Variants in C5orf34 observed in about 807,000 individuals in gnomAD.
C5orf34 encodes the protein chromosome 5 open reading frame 34, also known as uncharacterized protein C5orf34.
C5orf34 carries 73 observed loss-of-function variants against 78.4 expected under a neutral mutation model. The observed-to-expected ratio is 0.93, with a 90% CI of 0.77 to 1.13. The LOEUF is 1.13. Ranked by LOEUF, C5orf34 falls within the 50% of genes most tolerant of loss-of-function variation. C5orf34 has a pLI of 0.00. For missense variants in C5orf34, 730 were observed against 732.7 expected, an observed-to-expected ratio of 1.00 and a Z score of 0.04; for synonymous variants, 251 against 246.6, an observed-to-expected ratio of 1.02 and a Z score of -0.17.
intron 10 of C5orf34, 52 bp downstream of exon 10, chr5:43,492,163 T>C (rs6876588): frequency 1 from 1,181,830 of 1,183,244 alleles, 590,225 homozygotes; most frequent in East Asian, 1. Flanking sequence ...GCTTATTCTC[T>C]GTTAGTTAAA....
rs1745336069 is a variant in C5orf34, at chr5:43,492,760, G to T, written c.1445C>A (p.Thr482Asn). Residue 482 changes from threonine to asparagine, a missense_variant, in exon 9 of 13, where the codon ACC becomes AAC. By Grantham distance (65) the Thr-to-Asn change is moderately conservative. Transcript: ENST00000306862. ...AGGAGAGCTGAAATTCCAATTTAGG[G>T]TTAGAGTAATGCCATCTAAAAAGAT... ...HAIFLDGITL[T>N]LNWNFSSPIE... The T allele has an allele frequency of 3.7e-6, 6 of 1,612,820 alleles. No homozygotes were observed. Among genetic ancestry groups the T allele is most frequent in the Non-Finnish European group, 5.1e-6 (6 of 1,179,352 alleles).
rs1745964139 is a variant in C5orf34, at chr5:43,505,915, C to A, written c.765G>T (p.Leu255Phe). 6.2e-7 allele frequency: 1 copy of A among 1,613,944 alleles called. No individual in the cohort carries two copies. Among genetic ancestry groups the A allele is most frequent in the African/African-American group, 1.3e-5 (1 of 74,922 alleles). The stretch of plus-strand genomic sequence containing the variant: ...TATTATGAAAATGAAGTGCTAAAGA[C>A]AAAGGATATTTCCATTCCTCTGGAC... ...AACPEEWKYPLSLALHFHNKI... is the reference protein window; with the variant it reads ...AACPEEWKYPFSLALHFHNKI... The change falls in exon 4 of 13, where the codon TTG becomes TTT. Residue 255 changes from leucine to phenylalanine, a missense_variant. Physicochemically the swap from Leu to Phe is conservative, Grantham distance 22. Coordinates refer to ENST00000306862, the MANE Select transcript of C5orf34 (RefSeq NM_198566.4).
Position 43,496,120 on chromosome 5 carries a change from G to T in C5orf34, c.1153-1519C>A, listed in dbSNP as rs1375207403. The T allele has an allele frequency of 6.2e-6, 6 of 975,376 alleles. No homozygotes were observed. The South Asian group carries it at 7.0e-5, about 11-fold the overall frequency. 60.4% of individuals were successfully genotyped at this position (975,376 alleles called of 1,614,324 possible). On this transcript the variant is annotated intron_variant, in intron 6 of 12. Coordinates refer to ENST00000306862, the MANE Select transcript of C5orf34 (RefSeq NM_198566.4). ...CGCCAACACCAGCAGCAACCATCAGGACAGCACAGCCTGAGATGTCCCTGT... is the reference window on the plus strand; with the variant it reads ...CGCCAACACCAGCAGCAACCATCAGTACAGCACAGCCTGAGATGTCCCTGT...
At chr5:43,510,783 G>GCTAGCTACAACCTCCA (rs1746203319) in intron 1 of C5orf34, among the ~76,000 whole-genome samples, 1 of 152,216 alleles carries the variant, frequency 6.6e-6, no homozygotes, top group African/African-American at 2.4e-5. Context: ...CGTGATCTCG[G>GCTAGCTACAACCTCCA]CTAGCTACAA....
At chr5:43,512,231 A>T (rs1746291599) in intron 1 of C5orf34, among the ~76,000 whole-genome samples, 1 of 152,224 alleles carries the variant, frequency 6.6e-6, no homozygotes, top group Admixed American at 6.5e-5. Flanking sequence ...AAATGTTTTT[A>T]TTCCTTTCCA....
intron 5 of C5orf34, 57 bp from the exon 6 acceptor site, chr5:43,502,552 T>C: frequency 1.0e-6 from 1 of 1,004,484 alleles, no homozygotes; most frequent in Non-Finnish European, 1.5e-6. Context: ...AAAACATGCA[T>C]GAAGATAGTC....
At chr5:43,501,312 C>G (rs1415465192) in intron 6 of C5orf34, among the ~76,000 whole-genome samples, 1 of 152,162 alleles carries the variant, frequency 6.6e-6, no homozygotes, top group African/African-American at 2.4e-5. Flanking sequence ...ACTGGGCATG[C>G]TTGTATCTCA....
chr5:43,495,218 A>C (rs1217938013), intron 6 of C5orf34: 5 of 1,610,332 alleles, frequency 3.1e-6, no homozygotes, highest in Non-Finnish European at 4.2e-6. Context: ...ATAGTCTGAG[A>C]AGCTCTCAAC....
In C5orf34 at chr5:43,509,335, G is replaced by C; in HGVS notation, c.5C>G (p.Ala2Gly). 1 of 1,583,956 alleles carries C rather than the reference G, an allele frequency of 6.3e-7. No homozygotes were observed. The highest frequency in any genetic ancestry group is 1.8e-5 in the Admixed American group (1 of 55,514). Residue 2 changes from alanine to glycine, a missense_variant, in exon 2 of 13, where the codon GCA (alanine) becomes GGA (glycine). Transcript: ENST00000306862. The stretch of plus-strand genomic sequence containing the variant: ...ATAAAGTATCATTCGCAGTTCAGCT[G>C]CCATTACAACGGCAGGATAAGATAT... M[A>G]AELRMILYED...
intron 6 of C5orf34, among the ~76,000 whole-genome samples, chr5:43,499,179 C>T (rs773473239): frequency 1.4e-4 from 22 of 152,124 alleles, no homozygotes; most frequent in Non-Finnish European, 2.8e-4. Context: ...TCAGGAAAAG[C>T]GTCTGTGAGG....
chr5:43,512,792 T>C (rs1746328348), intron 1 of C5orf34, among the ~76,000 whole-genome samples: 1 of 90,826 alleles, frequency 1.1e-5, no homozygotes, highest in Non-Finnish European at 2.2e-5. Context: ...TTTTTTTTTT[T>C]TTTTTTTTTG....
intron 6 of C5orf34, chr5:43,495,768 C>A: frequency 1.3e-6 from 2 of 1,580,160 alleles, no homozygotes; most frequent in Non-Finnish European, 1.7e-6. Context: ...CAGTCCAGAG[C>A]CTCAAGCAGC....
chr5:43,497,689 A>T (rs1468699412), intron 6 of C5orf34, among the ~76,000 whole-genome samples: 1 of 152,220 alleles, frequency 6.6e-6, no homozygotes, highest in Non-Finnish European at 1.5e-5. Context: ...ATACATATGA[A>T]GTTCCTGGGA....
At chr5:43,504,177 C>A (rs1561214228) in intron 4 of C5orf34, among the ~76,000 whole-genome samples, 2 of 151,888 alleles carry the variant, frequency 1.3e-5, no homozygotes, top group South Asian at 4.2e-4. Context: ...CGTAGTGGCA[C>A]GTGCCTGTAA....
At chr5:43,495,391 G>A in intron 6 of C5orf34, 1 of 1,611,734 alleles carries the variant, frequency 6.2e-7, no homozygotes, top group South Asian at 1.1e-5. Context: ...TAGGGGCATA[G>A]CCAGCGCTTA....
intron 6 of C5orf34, chr5:43,496,572 GTTTTTTTTAAT>G: frequency 1.6e-6 from 1 of 628,826 alleles, no homozygotes; most frequent in Non-Finnish European, 2.3e-6. Flanking sequence ...TCATTCAAAA[GTTTTTTTTAAT>G]TTTTTTTTTT....
At chr5:43,507,712 T>C (rs1480705411) in intron 3 of C5orf34, among the ~76,000 whole-genome samples, 1 of 152,188 alleles carries the variant, frequency 6.6e-6, no homozygotes, top group Non-Finnish European at 1.5e-5. Context: ...GTTCAAATCC[T>C]GACTTTGCCA....
At chr5:43,492,481 G>T (rs1242167314) in intron 9 of C5orf34, among the ~76,000 whole-genome samples, 172 bp from the exon 10 acceptor site, 1 of 152,194 alleles carries the variant, frequency 6.6e-6, no homozygotes, top group Non-Finnish European at 1.5e-5. Context: ...ACTCATATAG[G>T]TAATTATCAA....
At chr5:43,506,501 GT>G in intron 3 of C5orf34, 107 bp from the exon 4 acceptor site, 1 of 1,131,972 alleles carries the variant, frequency 8.8e-7, no homozygotes, top group Non-Finnish European at 1.2e-6. Flanking sequence ...AAATATTTGT[GT>G]TTTACTATCT....
Sources: allele counts gnomAD v4.1 joint callset (sites outside exome capture counted in the v4.1 genomes callset), GRCh38; gene constraint gnomAD v4.1.1; transcripts MANE v1.5; gene names NCBI Gene and HGNC (gene_info 2026-07-23, HGNC 2026-07-21).